Variants in ADGRG7 observed in about 807,000 individuals in gnomAD.
ADGRG7 encodes adhesion G protein-coupled receptor G7.
A neutral mutation model predicts 88.6 loss-of-function variants in ADGRG7; 82 were observed. That is an observed-to-expected ratio of 0.93 (90% CI 0.77 to 1.11). ADGRG7 has a LOEUF of 1.11. Among genes scored for constraint, ADGRG7 ranks in the 50% most tolerant of loss-of-function variants. The probability of loss-of-function intolerance (pLI) is 0.00; values close to 1 mark genes in which losing one functional copy is unlikely to be tolerated. For missense variants in ADGRG7, 945 were observed against 953.4 expected (o/e 0.99, Z 0.12); for synonymous variants, 381 against 345.2 (o/e 1.10, Z -1.15).
intron 10 of ADGRG7, 30 bp downstream of exon 10, chr3:100,646,754 G>C: frequency 6.3e-7 from 1 of 1,585,700 alleles, no homozygotes; most frequent in Non-Finnish European, 8.6e-7. Flanking sequence ...TCTCTTTCCA[G>C]ATGAGAATTT....
intron 15 of ADGRG7, among the ~76,000 whole-genome samples, chr3:100,686,705 T>C (rs2094983331): frequency 6.6e-6 from 1 of 152,242 alleles, no homozygotes; most frequent in Non-Finnish European, 1.5e-5. Context: ...GCATTATTTC[T>C]GAAGGCTCTG....
At chr3:100,622,506 C>G (rs1422119767) in intron 1 of ADGRG7, among the ~76,000 whole-genome samples, 4 of 152,044 alleles carry the variant, frequency 2.6e-5, no homozygotes, top group Non-Finnish European at 4.4e-5. Context: ...GACTAAGATG[C>G]TGAGTCTTTT....
At chr3:100,673,864 C>T (rs1186608566) in intron 15 of ADGRG7, among the ~76,000 whole-genome samples, 3 of 152,174 alleles carry the variant, frequency 2.0e-5, no homozygotes, top group African/African-American at 7.2e-5. Flanking sequence ...TCTCTATCTC[C>T]TTCAGTTCTG....
At chr3:100,678,989 A>G (rs1470442104) in intron 15 of ADGRG7, among the ~76,000 whole-genome samples, 1 of 152,168 alleles carries the variant, frequency 6.6e-6, no homozygotes, top group African/African-American at 2.4e-5. Context: ...AAGGCTCAAC[A>G]GCTCTACAAT....
rs776676550 is a variant in ADGRG7, at chr3:100,635,736, T to C, written c.507T>C (p.Ser169=). 74 of 1,613,928 alleles carry C rather than the reference T, an allele frequency of 4.6e-5. No homozygotes were observed. Among genetic ancestry groups the C allele is most frequent in the African/African-American group, 1.5e-4 (11 of 74,928 alleles). ...NISSEVQILT[S]DANKLTAENI... is the part of the protein sequence containing the mutation. ...CTTCTGAAGTCCAGATTTTAACATC[T>C]GATGCCAATAAATTAACTGCTGAGA... The change falls in exon 5 of 16, where the codon TCT becomes TCC. Residue 169 remains serine (S), a synonymous_variant. Transcript: ENST00000273352.
chr3:100,646,210 A>AAGG, intron 9 of ADGRG7, 102 bp downstream of exon 9: 1 of 173,468 alleles, frequency 5.8e-6, no homozygotes, highest in South Asian at 4.7e-5. Flanking sequence ...AGAAGAGAAT[A>AAGG]GGAGGGCGGG....
rs886099282 is a variant in ADGRG7 at position 100,635,900 on chromosome 3, T to C, written c.597+74T>C. ...GGGTGTTGGGAAAGAAAGAGAGATGTCCTGAATACCACTCCTTATTCCACA... is the reference window on the plus strand; with the variant it reads ...GGGTGTTGGGAAAGAAAGAGAGATGCCCTGAATACCACTCCTTATTCCACA... On this transcript the variant is annotated intron_variant, in intron 5 of 15. Transcript: ENST00000273352. 9 of 1,088,888 alleles carry C rather than the reference T, an allele frequency of 8.3e-6. No individual in the cohort carries two copies. In the African/African-American group the frequency reaches 1.3e-4, roughly 15 times the overall value. The allele number at this position is 1,088,888 out of a possible 1,614,324, so 67.5% of individuals were successfully genotyped here.
At chr3:100,635,034 C>CACACACACACAT (rs1275924321) in intron 4 of ADGRG7, among the ~76,000 whole-genome samples, 4 of 150,132 alleles carry the variant, frequency 2.7e-5, no homozygotes, top group South Asian at 2.1e-4. Context: ...CACACATACA[C>CACACACACACAT]ACACACGTGC....
rs2095000585 is a variant in ADGRG7 at position 100,695,313 on chromosome 3, C to T, written c.*312C>T. The T allele has an allele frequency of 7.8e-6, 2 of 255,990 alleles. No individual in the cohort carries two copies. Among genetic ancestry groups the T allele is most frequent in the Non-Finnish European group, 1.5e-5 (2 of 134,708 alleles). 15.9% of individuals were successfully genotyped at this position (255,990 alleles called of 1,614,324 possible). ...GTAGAACCTATAACAAATTCTTTTA[C>T]AAGTTACTATAAAGGACACAAAGAG... On this transcript the variant is annotated 3_prime_UTR_variant, in exon 16 of 16. Transcript: ENST00000273352.
chr3:100,620,934 T>C (rs898443113), intron 1 of ADGRG7, among the ~76,000 whole-genome samples: 1 of 152,166 alleles, frequency 6.6e-6, no homozygotes, highest in African/African-American at 2.4e-5. Context: ...TGTCTCTGTG[T>C]CAGTCACATT....
chr3:100,694,604 A>C lies in ADGRG7; in HGVS notation c.2137-140A>C, dbSNP rs548210982. 8.8e-5 allele frequency: 67 copies of C among 762,044 alleles called. No homozygotes were observed. In the African/African-American group the frequency reaches 1.1e-3, roughly 13 times the overall value. The allele number at this position is 762,044 out of a possible 1,614,324, so 47.2% of individuals were successfully genotyped here. A position where few individuals can be genotyped will look rare whatever the true frequency, so the allele number is the denominator to read the frequency against. ...TCAACCCTCTTAGATTAAAAAGTGC[A>C]TGGCAGCTGCACACTGGCAAATTCA... On this transcript the variant is annotated intron_variant, in intron 15 of 15. Coordinates refer to ENST00000273352, the MANE Select transcript of ADGRG7 (RefSeq NM_032787.3).
chr3:100,668,605 A>G (rs570657982), intron 14 of ADGRG7, among the ~76,000 whole-genome samples: 59 of 152,290 alleles, frequency 3.9e-4, no homozygotes, highest in South Asian at 3.3e-3. Flanking sequence ...AGGTGCCAAA[A>G]AAGGGGATTC....
At chr3:100,650,401 C>T (rs1559679943) in intron 11 of ADGRG7, among the ~76,000 whole-genome samples, 2 of 152,206 alleles carry the variant, frequency 1.3e-5, no homozygotes, top group Admixed American at 6.5e-5. Flanking sequence ...CTTTTAGAAG[C>T]TTGTTCATTT....
At position 100,651,676 on chromosome 3, in the gene ADGRG7, TCAAA is replaced by T. The variant is rs559394754; in HGVS notation, c.1379+1874_1379+1877del. On this transcript the variant is annotated intron_variant, in intron 11 of 15. Coordinates refer to ENST00000273352, the MANE Select transcript of ADGRG7 (RefSeq NM_032787.3). The stretch of plus-strand genomic sequence containing the variant: ...CTGGGCAATACAGCAAGATCACATC[TCAAA>T]CAAATTTTTTTTTTTAAAGAGAGAA... Among the ~76,000 whole-genome samples the T allele has an allele frequency of 2.1e-4, 32 of 151,776 alleles. No homozygotes were observed. In the South Asian group the frequency reaches 6.4e-3, roughly 31 times the overall value.
At chr3:100,676,214 T>G (rs961043462) in intron 15 of ADGRG7, among the ~76,000 whole-genome samples, 6 of 151,536 alleles carry the variant, frequency 4.0e-5, no homozygotes, top group Admixed American at 1.3e-4. Flanking sequence ...AGCTTTTCTA[T>G]TTTTTTTGAT....
intron 14 of ADGRG7, among the ~76,000 whole-genome samples, chr3:100,661,935 G>T (rs1056995181): frequency 2.0e-5 from 3 of 152,130 alleles, no homozygotes; most frequent in African/African-American, 7.2e-5. Context: ...AAACTCTATA[G>T]ATTCCAGTAT....
intron 15 of ADGRG7, among the ~76,000 whole-genome samples, chr3:100,690,266 G>A (rs187699952): frequency 5.3e-4 from 81 of 152,164 alleles, no homozygotes; most frequent in African/African-American, 1.8e-3. Flanking sequence ...ATTCTAGTTA[G>A]CCATTTGTCT....
chr3:100,665,467 A>ACTCACTCATTTC, intron 14 of ADGRG7: 1 of 531,766 alleles, frequency 1.9e-6, no homozygotes, highest in East Asian at 5.4e-5. Flanking sequence ...ACCACCAAAG[A>ACTCACTCATTTC]CTCACTCATT....
Position 100,620,357 on chromosome 3 carries a change from AG to A in ADGRG7, c.116-9240del, listed in dbSNP as rs771654740. Among the ~76,000 whole-genome samples the A allele has an allele frequency of 7.4e-4, 112 of 152,374 alleles. No homozygotes were observed. In the Middle Eastern group the frequency reaches 0.02, roughly 28 times the overall value. On this transcript the variant is annotated intron_variant, in intron 1 of 15. Coordinates refer to ENST00000273352, the MANE Select transcript of ADGRG7 (RefSeq NM_032787.3). ...GAAAAGGCCTTTGACAAAATTCAACAGCCCTTCATGCTAAAAACTCTCAATA... is the reference window on the plus strand; with the variant it reads ...GAAAAGGCCTTTGACAAAATTCAACACCCTTCATGCTAAAAACTCTCAATA...
Sources: allele counts gnomAD v4.1 joint callset (sites outside exome capture counted in the v4.1 genomes callset), GRCh38; gene constraint gnomAD v4.1.1; transcripts MANE v1.5; gene names NCBI Gene and HGNC (gene_info 2026-07-23, HGNC 2026-07-21).